Variants in STK33 observed in about 807,000 individuals in gnomAD.
STK33 encodes serine/threonine-protein kinase 33.
A neutral mutation model predicts 58.0 loss-of-function variants in STK33; 52 were observed. That is an observed-to-expected ratio of 0.90 (90% CI 0.72 to 1.13). The LOEUF (loss-of-function observed/expected upper bound fraction) is 1.13, where lower values mean the gene tolerates loss of function less well. Among genes scored for constraint, STK33 ranks in the 50% most tolerant of loss-of-function variants. STK33 has a pLI of 0.00. For synonymous variants in STK33, 215 were observed against 200.1 expected (o/e 1.07, Z -0.63); for missense variants, 630 against 604.2 (o/e 1.04, Z -0.45).
At chr11:8,344,459 C>T in the STK33 span, among the ~76,000 whole-genome samples, 1 of 152,180 alleles carries the variant, frequency 6.6e-6, no homozygotes, top group Non-Finnish European at 1.5e-5. Context: ...AAGAGCTTTA[C>T]CATTAACTCC....
At chr11:8,469,123 G>A (rs1948526523) in intron 6 of STK33, among the ~76,000 whole-genome samples, 2 of 152,280 alleles carry the variant, frequency 1.3e-5, no homozygotes, top group South Asian at 4.1e-4. Context: ...GAAGTTTGGT[G>A]CATCAATTGA....
the STK33 span, among the ~76,000 whole-genome samples, chr11:8,354,401 AG>A: frequency 6.6e-6 from 1 of 150,834 alleles, no homozygotes; most frequent in Non-Finnish European, 1.5e-5. Context: ...GGTTGAAGGC[AG>A]GTGCTCATAC....
At chr11:8,382,320 T>C in the STK33 span, among the ~76,000 whole-genome samples, 2 of 152,132 alleles carry the variant, frequency 1.3e-5, no homozygotes, top group East Asian at 3.9e-4. Flanking sequence ...CAGTCGCTGA[T>C]GGTAGCTGGG....
intron 11 of STK33, among the ~76,000 whole-genome samples, chr11:8,445,358 G>C (rs994468291): frequency 6.6e-6 from 1 of 152,110 alleles, no homozygotes; most frequent in South Asian, 2.1e-4. Flanking sequence ...CTTCCTATTT[G>C]AATACCCTTT....
At chr11:8,557,077 C>A (rs1418755016) in intron 1 of STK33, among the ~76,000 whole-genome samples, 1 of 151,346 alleles carries the variant, frequency 6.6e-6, no homozygotes, top group African/African-American at 2.4e-5. Context: ...ATAGTGAGAC[C>A]TCATCTCTAT....
At chr11:8,541,663 T>G (rs989803796) in intron 1 of STK33, among the ~76,000 whole-genome samples, 4 of 152,220 alleles carry the variant, frequency 2.6e-5, no homozygotes, top group Non-Finnish European at 5.9e-5. Context: ...AATTCGTTGC[T>G]ATTTTACTTT....
At chr11:8,497,421 A>G (rs1565196287) in intron 1 of STK33, among the ~76,000 whole-genome samples, 1 of 152,256 alleles carries the variant, frequency 6.6e-6, no homozygotes, top group Non-Finnish European at 1.5e-5. Context: ...TAAATTGTCA[A>G]CAGAAACCAT....
chr11:8,562,410 G>A (rs901706189), intron 1 of STK33, among the ~76,000 whole-genome samples: 1 of 152,000 alleles, frequency 6.6e-6, no homozygotes, highest in African/African-American at 2.4e-5. Flanking sequence ...GGATTTTCCA[G>A]GTTTTCCCAT....
At chr11:8,496,142 CA>C (rs930076398) in intron 1 of STK33, among the ~76,000 whole-genome samples, 3 of 148,320 alleles carry the variant, frequency 2.0e-5, no homozygotes, top group Non-Finnish European at 3.0e-5. Context: ...AAAGGAAGGA[CA>C]AAAAAAAAGA....
chr11:8,567,344 A>T (rs1462395847), intron 1 of STK33: 1 of 152,150 alleles, frequency 6.6e-6, no homozygotes, highest in Non-Finnish European at 1.5e-5. Context: ...TATCATGAAG[A>T]TCAAATTAGT....
intron 1 of STK33, among the ~76,000 whole-genome samples, chr11:8,567,986 T>C (rs1957558511): frequency 6.6e-6 from 1 of 152,210 alleles, no homozygotes; most frequent in Non-Finnish European, 1.5e-5. Flanking sequence ...AAGTTAATAA[T>C]ATAGTCTCCA....
chr11:8,444,781 A>G (rs1945209020), intron 11 of STK33, among the ~76,000 whole-genome samples: 1 of 152,206 alleles, frequency 6.6e-6, no homozygotes, highest in Admixed American at 6.5e-5. Flanking sequence ...TTGAAAAAAT[A>G]ATAGAAACTT....
At position 8,454,800 on chromosome 11, in the gene STK33, T is replaced by C; in HGVS notation, c.730A>G (p.Ile244Val). The C allele has an allele frequency of 6.4e-7, 1 of 1,571,068 alleles. No homozygotes were observed. The highest frequency in any genetic ancestry group is 8.7e-7 in the Non-Finnish European group (1 of 1,154,884). Residue 244 changes from isoleucine (I) to valine (V), a missense_variant, in exon 10 of 16, where the codon ATA (isoleucine) becomes GTA (valine). By Grantham distance (29) the Ile-to-Val change is conservative. Coordinates refer to ENST00000687296, the MANE Select transcript of STK33 (RefSeq NM_001352389.2). ...TCAATAAGACTGCTTTTAACCATTA[T>C]ATTTTCCAGTTTCAGATCTCTATGT... ...IVHRDLKLENIMVKSSLIDDN... is the reference protein window; with the variant it reads ...IVHRDLKLENVMVKSSLIDDN...
intron 1 of STK33, among the ~76,000 whole-genome samples, chr11:8,566,073 T>C (rs1957426337): frequency 1.3e-5 from 2 of 152,224 alleles, no homozygotes; most frequent in South Asian, 2.1e-4. Context: ...AATAACATCA[T>C]TGGTCAACTG....
intron 8 of STK33, among the ~76,000 whole-genome samples, chr11:8,458,559 A>G (rs771845724): frequency 2.0e-5 from 3 of 152,172 alleles, no homozygotes; most frequent in Admixed American, 6.5e-5. Flanking sequence ...AAATACCAAC[A>G]AGAAAGAAAC....
In STK33 at chr11:8,440,762, C is replaced by T. The variant is rs1321539224; in HGVS notation, c.872-9G>A. 15 of 1,555,608 alleles carry T rather than the reference C, an allele frequency of 9.6e-6. No individual in the cohort carries two copies. The highest frequency in any genetic ancestry group is 9.5e-5 in the East Asian group (4 of 42,070). On this transcript the variant is annotated splice_polypyrimidine_tract_variant and intron_variant, in intron 11 of 15. Transcript: ENST00000687296. ...ACTGATAACTTCAGGGGCTGCCAAA[C>T]AAGCAGATATAAAATAACATTAATA...
chr11:8,527,132 T>C (rs1954111173), intron 1 of STK33, among the ~76,000 whole-genome samples: 2 of 151,842 alleles, frequency 1.3e-5, no homozygotes, highest in Admixed American at 6.6e-5. Context: ...AGCTAACATA[T>C]ATATATATAT....
chr11:8,362,916 T>TTCCTC, the STK33 span, among the ~76,000 whole-genome samples: 1 of 149,070 alleles, frequency 6.7e-6, no homozygotes, highest in Non-Finnish European at 1.5e-5. Context: ...CTTCCTTCCT[T>TTCCTC]CCTCCCTCCT....
chr11:8,385,470 C>G, the STK33 span, among the ~76,000 whole-genome samples: 1 of 152,216 alleles, frequency 6.6e-6, no homozygotes, highest in Non-Finnish European at 1.5e-5. Flanking sequence ...TAAAACATCC[C>G]TCCCCGGCTC....
Sources: allele counts gnomAD v4.1 joint callset (sites outside exome capture counted in the v4.1 genomes callset), GRCh38; gene constraint gnomAD v4.1.1; transcripts MANE v1.5; gene names NCBI Gene and HGNC (gene_info 2026-07-23, HGNC 2026-07-21).